The following ANKRD11 variants were observed in gnomAD, a reference collection of about 807,000 sequenced individuals.
ANKRD11 encodes ankyrin repeat domain-containing protein 11.
In ANKRD11, 17 loss-of-function variants were observed where a neutral mutation model predicts 195.7. The ratio of observed to expected loss-of-function variants is 0.09; its 90% confidence interval spans 0.06 to 0.13. The LOEUF is 0.13. ANKRD11 is among the 10% of genes least tolerant of loss of function. ANKRD11 has a pLI of 1.00. For synonymous variants in ANKRD11, 1,953 were observed against 1,528.1 expected (o/e 1.28, Z -6.49); for missense variants, 3,735 against 3,566.1 (o/e 1.05, Z -1.21).
intron 3 of ANKRD11, chr16:89,313,674 A>T: frequency 1.7e-6 from 2 of 1,163,508 alleles, no homozygotes; most frequent in Non-Finnish European, 2.3e-6. Flanking sequence ...AAACCATTTC[A>T]GCCTGTACCA....
At chr16:89,466,060 A>C (rs935879688) in intron 1 of ANKRD11, among the ~76,000 whole-genome samples, 1 of 152,106 alleles carries the variant, frequency 6.6e-6, no homozygotes, top group Non-Finnish European at 1.5e-5. Context: ...AGGGACCAGT[A>C]AAAGGAGATT....
At chr16:89,355,916 G>A (rs889568792) in intron 2 of ANKRD11, among the ~76,000 whole-genome samples, 1 of 152,156 alleles carries the variant, frequency 6.6e-6, no homozygotes, top group Non-Finnish European at 1.5e-5. Flanking sequence ...CAGCTCGGGA[G>A]ACCAGGGCTC....
Position 89,282,841 on chromosome 16 carries a change from T to A in ANKRD11, c.3701A>T (p.Asn1234Ile). 6.2e-7 allele frequency: 1 copy of A among 1,612,000 alleles called. No individual in the cohort carries two copies. The highest frequency in any genetic ancestry group is 8.5e-7 in the Non-Finnish European group (1 of 1,180,020). ...AGCCTTCTCGGGGAGCTTCTGTTTA[T>A]TTTTCTTATCTTGCGTGGAGTCCAC... ...ASVDSTQDKK[N>I]KQKLPEKAEK... The change falls in exon 9 of 13, where the codon AAT (asparagine) becomes ATT (isoleucine). Residue 1234 changes from asparagine to isoleucine, a missense_variant. By Grantham distance (149) the Asn-to-Ile change is moderately radical. Coordinates refer to ENST00000301030, the MANE Select transcript of ANKRD11 (RefSeq NM_013275.6).
intron 2 of ANKRD11, among the ~76,000 whole-genome samples, chr16:89,405,025 C>T (rs1247532586): frequency 6.6e-6 from 1 of 152,058 alleles, no homozygotes; most frequent in African/African-American, 2.4e-5. Flanking sequence ...TTCTCCTCTC[C>T]CATCCCACCA....
chr16:89,387,478 C>T (rs1040012945), intron 2 of ANKRD11, among the ~76,000 whole-genome samples: 5 of 150,842 alleles, frequency 3.3e-5, no homozygotes, highest in Non-Finnish European at 7.4e-5. Flanking sequence ...CGAGACCATC[C>T]CGGCTAACAC....
At chr16:89,397,192 C>T (rs545665283) in intron 2 of ANKRD11, among the ~76,000 whole-genome samples, 96 of 152,276 alleles carry the variant, frequency 6.3e-4, no homozygotes, top group African/African-American at 2.3e-3. Flanking sequence ...CGTCCAACGG[C>T]GTCTCACAGT....
chr16:89,384,508 T>C (rs1473609516), intron 2 of ANKRD11, among the ~76,000 whole-genome samples: 1 of 149,704 alleles, frequency 6.7e-6, no homozygotes, highest in Admixed American at 6.7e-5. Flanking sequence ...TGGGACAGGA[T>C]GGGACGACAT....
chr16:89,429,997 C>G (rs2042906817), intron 1 of ANKRD11, among the ~76,000 whole-genome samples: 1 of 120,338 alleles, frequency 8.3e-6, no homozygotes. Flanking sequence ...CTCAGTCGTT[C>G]TAGTACACAG....
intron 1 of ANKRD11, among the ~76,000 whole-genome samples, chr16:89,486,996 G>A (rs1358549406): frequency 4.2e-5 from 6 of 141,302 alleles, no homozygotes; most frequent in South Asian, 2.2e-4. Flanking sequence ...GCAACAAAGC[G>A]AGACTCCGTC....
chr16:89,462,177 CT>C (rs981319539), intron 1 of ANKRD11, among the ~76,000 whole-genome samples: 2 of 152,210 alleles, frequency 1.3e-5, no homozygotes, highest in African/African-American at 4.8e-5. Context: ...TGCAACCCCC[CT>C]GCCTGATTCT....
At chr16:89,367,043 G>A (rs543710363) in intron 2 of ANKRD11, among the ~76,000 whole-genome samples, 1 of 152,248 alleles carries the variant, frequency 6.6e-6, no homozygotes, top group South Asian at 2.1e-4. Flanking sequence ...GCCCAGCCAC[G>A]GCTCCTTCTG....
intron 2 of ANKRD11, among the ~76,000 whole-genome samples, chr16:89,363,577 A>C (rs2039823397): frequency 6.6e-6 from 1 of 152,240 alleles, no homozygotes; most frequent in Admixed American, 6.5e-5. Flanking sequence ...AGAATCTAGG[A>C]GAAACCACCA....
At chr16:89,360,081 CG>C (rs888078719) in intron 2 of ANKRD11, among the ~76,000 whole-genome samples, 1 of 152,132 alleles carries the variant, frequency 6.6e-6, no homozygotes, top group Non-Finnish European at 1.5e-5. Flanking sequence ...AGTAGACCCC[CG>C]TGTCTGGTGT....
chr16:89,413,770 C>T (rs2042189195), intron 2 of ANKRD11, among the ~76,000 whole-genome samples: 1 of 152,226 alleles, frequency 6.6e-6, no homozygotes, highest in Non-Finnish European at 1.5e-5. Flanking sequence ...AGCCGACAAG[C>T]TCCCCAGGGG....
chr16:89,456,957 C>CTTTTT, intron 1 of ANKRD11, among the ~76,000 whole-genome samples: 1 of 138,262 alleles, frequency 7.2e-6, no homozygotes, highest in East Asian at 2.1e-4. Flanking sequence ...TTATGTGAGT[C>CTTTTT]TTTTTTTTTT....
At chr16:89,480,629 G>A (rs530275554) in intron 1 of ANKRD11, among the ~76,000 whole-genome samples, 47 of 152,150 alleles carry the variant, frequency 3.1e-4, no homozygotes, top group Non-Finnish European at 5.9e-4. Flanking sequence ...CAGAATCCCC[G>A]TTCTTCTTTC....
chr16:89,300,664 C>T (rs1168231475), intron 4 of ANKRD11: 2 of 517,544 alleles, frequency 3.9e-6, no homozygotes, highest in Non-Finnish European at 3.4e-6. Flanking sequence ...CAGGAGCCGT[C>T]AGAACAGCCG....
In ANKRD11 at chr16:89,342,075, C is replaced by CGAACAGCAGCCA. The variant is rs1206473130; in HGVS notation, c.-59-24998_-59-24997insTGGCTGCTGTTC. ...CCACGGCGGGAGTGCTGCACCTCCA[C>CGAACAGCAGCCA]CGCCCACAGCTCTGCTTCCCACCCT... is the stretch of plus-strand genomic sequence containing the variant. On this transcript the variant is annotated intron_variant, in intron 2 of 12. Transcript: ENST00000301030. 1.9e-3 allele frequency among the ~76,000 whole-genome samples: 105 copies of CGAACAGCAGCCA among 54,928 alleles called. 26 individuals carry two copies. Among genetic ancestry groups the CGAACAGCAGCCA allele is most frequent in the East Asian group, 7.8e-3 (17 of 2,182 alleles). The allele number at this position is 54,928 out of a possible 152,430, so 36.0% of individuals were successfully genotyped here. A position where few individuals can be genotyped will look rare whatever the true frequency, so the allele number is the denominator to read the frequency against.
intron 2 of ANKRD11, chr16:89,392,247 G>A (rs1019249305): frequency 6.6e-6 from 1 of 152,262 alleles, no homozygotes; most frequent in Non-Finnish European, 1.5e-5. Context: ...TCTGCAGAAG[G>A]TATAAAAAAT....
Sources: allele counts gnomAD v4.1 joint callset (sites outside exome capture counted in the v4.1 genomes callset), GRCh38; gene constraint gnomAD v4.1.1; transcripts MANE v1.5; gene names NCBI Gene and HGNC (gene_info 2026-07-23, HGNC 2026-07-21).